Variants in USH2A observed in about 807,000 individuals in gnomAD.
USH2A encodes Usher syndrome 2A (autosomal recessive, mild).
USH2A carries 443 observed loss-of-function variants against 538.9 expected under a neutral mutation model. The ratio of observed to expected loss-of-function variants is 0.82; its 90% CI spans 0.76 to 0.89. The LOEUF is 0.89. USH2A is among the 40% of genes least tolerant of loss of function. The pLI is 0.00. For synonymous variants in USH2A, 2,413 were observed against 2,273.5 expected (o/e 1.06, Z -1.75); for missense variants, 6,633 against 6,324.8 (o/e 1.05, Z -1.65).
Position 216,284,765 on chromosome 1 carries a change from G to A in USH2A, c.1971+4515C>T, listed in dbSNP as rs548437289. ...GATGTGGGAAAGTTTGGAACTTCCT[G>A]GAGACTTGTTGAATGGCTTTGACCA... is the stretch of plus-strand genomic sequence containing the variant. On this transcript the variant is annotated intron_variant, in intron 11 of 71. Coordinates refer to ENST00000307340, the MANE Select transcript of USH2A (RefSeq NM_206933.4). Among the ~76,000 whole-genome samples, 24 of 152,272 alleles carry A rather than the reference G, an allele frequency of 1.6e-4. No individual in the cohort carries two copies. The East Asian group carries it at 4.4e-3, about 28-fold the overall frequency.
chr1:215,640,758 C>G (rs1306512431), intron 67 of USH2A, 24 bp from the exon 68 acceptor site: 1 of 1,542,600 alleles, frequency 6.5e-7, no homozygotes, highest in Non-Finnish European at 8.8e-7. Context: ...GTTGTATGTT[C>G]TAAAAAGGGT....
intron 61 of USH2A, among the ~76,000 whole-genome samples, chr1:215,690,236 G>A (rs2820699): frequency 0.13 from 19,757 of 152,142 alleles, 1,373 homozygotes; most frequent in Non-Finnish European, 0.15. Flanking sequence ...AGAGATGGTA[G>A]CTAAACAGAG....
At chr1:215,784,046 C>A (rs898266011) in intron 52 of USH2A, among the ~76,000 whole-genome samples, 1 of 152,126 alleles carries the variant, frequency 6.6e-6, no homozygotes. Flanking sequence ...GCATTATCTT[C>A]CTTTTCCATT....
Position 216,419,479 on chromosome 1 carries a change from C to A in USH2A, c.486-800G>T, listed in dbSNP as rs145465795. Among the ~76,000 whole-genome samples the A allele has an allele frequency of 1.2e-3, 186 of 152,194 alleles. 6 individuals carry two copies. The East Asian group carries it at 0.028, about 23-fold the overall frequency. On this transcript the variant is annotated intron_variant, in intron 2 of 71. Coordinates refer to ENST00000307340, the MANE Select transcript of USH2A (RefSeq NM_206933.4). ...TTCAGACCTTGAGGTCTCTTCTTCA[C>A]CTGGTTACCTCCTACTTAGCTTTGG...
chr1:216,294,432 A>G (rs2037065156), intron 9 of USH2A, among the ~76,000 whole-genome samples: 1 of 151,938 alleles, frequency 6.6e-6, no homozygotes, highest in African/African-American at 2.4e-5. Flanking sequence ...ATTACTACAT[A>G]GTTTTGTATA....
intron 47 of USH2A, among the ~76,000 whole-genome samples, 169 bp from the exon 48 acceptor site, chr1:215,817,364 G>A (rs1300308174): frequency 6.6e-6 from 1 of 151,658 alleles, no homozygotes; most frequent in African/African-American, 2.4e-5. Context: ...GTTAGCTTTT[G>A]GAAGAATAAC....
chr1:216,316,543 TGTAAATGTG>T (rs2037512923), intron 9 of USH2A, among the ~76,000 whole-genome samples: 1 of 152,184 alleles, frequency 6.6e-6, no homozygotes, highest in Non-Finnish European at 1.5e-5. Flanking sequence ...GTGATACTGT[TGTAAATGTG>T]GTAAATGTCA....
chr1:216,042,429 T>C (rs1380398851), intron 32 of USH2A, among the ~76,000 whole-genome samples: 2 of 152,054 alleles, frequency 1.3e-5, no homozygotes, highest in Non-Finnish European at 2.9e-5. Flanking sequence ...TATGAAGAGA[T>C]ATTTCAGCTC....
intron 61 of USH2A, among the ~76,000 whole-genome samples, chr1:215,698,890 T>C (rs960506978): frequency 2.6e-5 from 4 of 152,196 alleles, no homozygotes; most frequent in African/African-American, 9.6e-5. Context: ...AGTCATAAGG[T>C]CTTTGCCCAT....
intron 32 of USH2A, among the ~76,000 whole-genome samples, chr1:216,019,846 G>T (rs1377407271): frequency 1.3e-5 from 2 of 152,154 alleles, no homozygotes; most frequent in African/African-American, 4.8e-5. Flanking sequence ...AAATTGTAAG[G>T]TTAGGTTGTA....
intron 35 of USH2A, among the ~76,000 whole-genome samples, chr1:215,975,947 A>G (rs1414408143): frequency 1.3e-5 from 2 of 152,166 alleles, no homozygotes; most frequent in Admixed American, 1.3e-4. Flanking sequence ...CTTCCACTTC[A>G]TGAGCATGGA....
intron 13 of USH2A, among the ~76,000 whole-genome samples, chr1:216,237,168 G>A (rs1298102872): frequency 6.6e-6 from 1 of 151,984 alleles, no homozygotes; most frequent in African/African-American, 2.4e-5. Flanking sequence ...TCCATTTCTA[G>A]ACCCCTTCAA....
intron 47 of USH2A, among the ~76,000 whole-genome samples, chr1:215,836,547 A>AT (rs1663531731): frequency 1.2e-4 from 2 of 16,960 alleles, no homozygotes; most frequent in Non-Finnish European, 2.0e-4. Context: ...TATATAATAT[A>AT]TATATATATA....
chr1:215,839,452 T>C (rs1317674416), intron 46 of USH2A, among the ~76,000 whole-genome samples: 2 of 152,188 alleles, frequency 1.3e-5, no homozygotes, highest in African/African-American at 4.8e-5. Flanking sequence ...CTGGTAAGAT[T>C]TGGGATATCT....
intron 38 of USH2A, 47 bp downstream of exon 38, chr1:215,934,569 T>C (rs1666442339): frequency 6.3e-7 from 1 of 1,583,290 alleles, no homozygotes; most frequent in South Asian, 1.1e-5. Context: ...AACTTAATTC[T>C]AGGGCATTTA....
At position 216,363,015 on chromosome 1, in the gene USH2A, C is replaced by T. The variant is rs539743111; in HGVS notation, c.784+1938G>A. ...TTTAGTAATTTTTTTCAATATATAG[C>T]ATATATGTTATCTTCTTAAACTACA... is the stretch of plus-strand genomic sequence containing the variant. On this transcript the variant is annotated intron_variant, in intron 4 of 71. Transcript: ENST00000307340. 6.6e-5 allele frequency among the ~76,000 whole-genome samples: 10 copies of T among 151,284 alleles called. No homozygotes were observed. In the South Asian group the frequency reaches 1.0e-3, roughly 16 times the overall value.
At chr1:215,816,683 A>G (rs1389563459) in intron 48 of USH2A, among the ~76,000 whole-genome samples, 2 of 152,102 alleles carry the variant, frequency 1.3e-5, no homozygotes, top group Admixed American at 1.3e-4. Context: ...TCAGTGCCAT[A>G]TAAACAAACA....
intron 3 of USH2A, among the ~76,000 whole-genome samples, chr1:216,379,824 C>T (rs180999509): frequency 1.3e-3 from 195 of 152,308 alleles, no homozygotes; most frequent in African/African-American, 4.0e-3. Flanking sequence ...CGACCCTCCC[C>T]AGAGGGCTAC....
At chr1:216,321,539 C>A (rs988597825) in intron 9 of USH2A, among the ~76,000 whole-genome samples, 1 of 152,034 alleles carries the variant, frequency 6.6e-6, no homozygotes, top group African/African-American at 2.4e-5. Context: ...TAGTAAGAAT[C>A]AAACTATTTT....
Sources: allele counts gnomAD v4.1 joint callset (sites outside exome capture counted in the v4.1 genomes callset), GRCh38; gene constraint gnomAD v4.1.1; transcripts MANE v1.5; gene names NCBI Gene and HGNC (gene_info 2026-07-23, HGNC 2026-07-21).